Variants in USP40 observed in about 807,000 individuals in gnomAD.
USP40 encodes the protein ubiquitin carboxyl-terminal hydrolase 40.
In USP40, 143 loss-of-function variants were observed where a neutral mutation model predicts 166.2. The observed-to-expected ratio is 0.86, with a 90% CI of 0.75 to 0.99. The LOEUF (loss-of-function observed/expected upper bound fraction) is 0.99, where lower values mean the gene tolerates loss of function less well. Among genes scored for constraint, USP40 ranks in the 50% least tolerant of loss-of-function variants. The pLI is 0.00. For synonymous variants in USP40, 498 were observed against 524.0 expected (o/e 0.95, Z 0.68); for missense variants, 1,444 against 1,479.7 (o/e 0.98, Z 0.40).
Position 233,542,248 on chromosome 2 carries a change from C to T in USP40, c.1062+20G>A, listed in dbSNP as rs1229966697. 1.4e-6 allele frequency: 2 copies of T among 1,394,572 alleles called. No homozygotes were observed. Among genetic ancestry groups the T allele is most frequent in the Non-Finnish European group, 2.0e-6 (2 of 1,019,578 alleles). 86.4% of individuals were successfully genotyped at this position (1,394,572 alleles called of 1,614,324 possible). ...ACAATACATACCATACATACAAATA[C>T]ATACACACACATACTATACCTCTAA... On this transcript the variant is annotated intron_variant, in intron 9 of 31. Transcript: ENST00000678225.
Position 233,512,579 on chromosome 2 carries a change from A to G in USP40, c.2427T>C (p.Leu809=). 1 of 1,584,324 alleles carries G rather than the reference A, an allele frequency of 6.3e-7. No homozygotes were observed. Residue 809 remains leucine (L), a synonymous_variant, in exon 19 of 32, where the codon CTT becomes CTC. Transcript: ENST00000678225. ...CLRPIDRNGK[L]LCPVPDSYTL... Reference sequence around the variant, plus strand: ...ATCAAAAAGATTTACCTGGACAAAGAAGCTTCCCATTTCTATCAATAGGTC... The same window carrying G: ...ATCAAAAAGATTTACCTGGACAAAGGAGCTTCCCATTTCTATCAATAGGTC...
intron 2 of USP40, 42 bp downstream of exon 2, chr2:233,565,314 G>A (rs2125417376): frequency 7.2e-7 from 1 of 1,386,244 alleles, no homozygotes; most frequent in East Asian, 2.5e-5. Context: ...ATGTAAAGAA[G>A]ATGGTACATA....
intron 11 of USP40, among the ~76,000 whole-genome samples, chr2:233,532,963 C>G (rs1454150882): frequency 6.6e-6 from 1 of 150,400 alleles, no homozygotes; most frequent in Non-Finnish European, 1.5e-5. Flanking sequence ...AACAAAAAGT[C>G]TTATTGAGAA....
Position 233,477,419 on chromosome 2 carries a change from G to A in USP40, c.3684C>T (p.Leu1228=). The change falls in exon 32 of 32, where the codon CTC becomes CTT. Residue 1228 remains leucine (L), a synonymous_variant. Coordinates refer to ENST00000678225, the MANE Select transcript of USP40 (RefSeq NM_001365479.2). ...PARPRAPETS[L]SIHVGSFR ...ATCTGAAGCTCCCCACGTGGATGGA[G>A]AGAGAAGTTTCCGGGGCTCGGGGCC... The A allele has an allele frequency of 1.2e-6, 2 of 1,613,780 alleles. No individual in the cohort carries two copies. The highest frequency in any genetic ancestry group is 1.7e-6 in the Non-Finnish European group (2 of 1,179,850).
intron 21 of USP40, among the ~76,000 whole-genome samples, chr2:233,502,419 T>C (rs2066133691): frequency 1.3e-5 from 2 of 152,196 alleles, no homozygotes; most frequent in South Asian, 4.1e-4. Context: ...ACCAGCTAAG[T>C]AACCTCAATC....
intron 11 of USP40, among the ~76,000 whole-genome samples, chr2:233,530,314 A>G (rs2068421547): frequency 6.6e-6 from 1 of 152,126 alleles, no homozygotes; most frequent in South Asian, 2.1e-4. Flanking sequence ...GTATTTTCCA[A>G]AGTCTTAAAT....
chr2:233,550,165 T>A (rs1332720806), intron 7 of USP40, among the ~76,000 whole-genome samples: 1 of 152,138 alleles, frequency 6.6e-6, no homozygotes. Context: ...ATTTATTTGC[T>A]TAAAATATTA....
intron 11 of USP40, among the ~76,000 whole-genome samples, chr2:233,531,476 G>A (rs10169180): frequency 0.77 from 117,770 of 152,056 alleles, 45,738 homozygotes; most frequent in East Asian, 0.87. Context: ...TTCCAATTAC[G>A]TACACACTAA....
At chr2:233,542,527 T>G in intron 8 of USP40, 164 bp from the exon 9 acceptor site, 1 of 546,668 alleles carries the variant, frequency 1.8e-6, no homozygotes. Context: ...CTGGGCAACA[T>G]AGAGAGACCA....
intron 9 of USP40, among the ~76,000 whole-genome samples, chr2:233,541,012 A>G (rs2069359707): frequency 6.6e-6 from 1 of 152,234 alleles, no homozygotes; most frequent in Non-Finnish European, 1.5e-5. Flanking sequence ...GAGCAATATC[A>G]AAAGTAGCTC....
At chr2:233,488,066 G>A in intron 28 of USP40, 173 bp downstream of exon 28, 1 of 725,560 alleles carries the variant, frequency 1.4e-6, no homozygotes, top group South Asian at 1.5e-5. Context: ...TAAGTCCCAA[G>A]TTTTAGATGC....
At chr2:233,503,875 C>A (rs2066240906) in intron 21 of USP40, among the ~76,000 whole-genome samples, 1 of 152,020 alleles carries the variant, frequency 6.6e-6, no homozygotes, top group South Asian at 2.1e-4. Context: ...ACTTGGAATA[C>A]CCCAGTGTCG....
intron 4 of USP40, among the ~76,000 whole-genome samples, chr2:233,558,378 A>C (rs1482076756): frequency 6.6e-6 from 1 of 152,176 alleles, no homozygotes; most frequent in East Asian, 1.9e-4. Context: ...GATTAAAAAA[A>C]AAAAACAAAA....
intron 18 of USP40, among the ~76,000 whole-genome samples, chr2:233,515,560 A>G (rs1005250429): frequency 6.6e-6 from 1 of 151,758 alleles, no homozygotes; most frequent in African/African-American, 2.4e-5. Context: ...TTAGGTTACA[A>G]GGGTTTTTTT....
In USP40 at chr2:233,527,706, T is replaced by C. The variant is rs189825057; in HGVS notation, c.1554-128A>G. 1.1e-4 allele frequency: 86 copies of C among 801,470 alleles called. No homozygotes were observed. In the African/African-American group the frequency reaches 1.3e-3, roughly 13 times the overall value. The allele number at this position is 801,470 out of a possible 1,614,324, so 49.6% of individuals were successfully genotyped here. A position where few individuals can be genotyped will look rare whatever the true frequency, so the allele number is the denominator to read the frequency against. On this transcript the variant is annotated intron_variant, in intron 12 of 31. Transcript: ENST00000678225. ...CACCAAAGTAACAATTTTTCTTCTA[T>C]GTGCCACAATTAGTCACTTTAATTT...
intron 5 of USP40, 86 bp from the exon 6 acceptor site, chr2:233,554,612 C>A: frequency 1.8e-6 from 2 of 1,089,566 alleles, no homozygotes; most frequent in South Asian, 4.3e-5. Context: ...TGGGAATAAT[C>A]AGATATATGT....
rs2064168174 is a variant in USP40 at position 233,476,009 on chromosome 2, G to A, written c.*1383C>T. 1 of 152,396 alleles carries A rather than the reference G, an allele frequency of 6.6e-6. No individual in the cohort carries two copies. The highest frequency in any genetic ancestry group is 1.5e-5 in the Non-Finnish European group (1 of 68,106). The allele number at this position is 152,396 out of a possible 1,614,324, so 9.4% of individuals were successfully genotyped here. A position where few individuals can be genotyped will look rare whatever the true frequency, so the allele number is the denominator to read the frequency against. On this transcript the variant is annotated 3_prime_UTR_variant, in exon 32 of 32. Coordinates refer to ENST00000678225, the MANE Select transcript of USP40 (RefSeq NM_001365479.2). Reference sequence around the variant, plus strand: ...GGAGGCAGCTGCTAGTCAGAGTTGGGTCCTTAGGGCGCAGTGCTTCACGGA... The same window carrying A: ...GGAGGCAGCTGCTAGTCAGAGTTGGATCCTTAGGGCGCAGTGCTTCACGGA...
At chr2:233,489,237 A>C in intron 27 of USP40, 128 bp downstream of exon 27, 1 of 857,514 alleles carries the variant, frequency 1.2e-6, no homozygotes, top group South Asian at 1.5e-5. Context: ...CCAAGTCACA[A>C]GCGTGGCATG....
rs191397667 is a variant in USP40, at chr2:233,529,493, A to G, written c.1491T>C (p.Tyr497=). ...RPPEARANPR[Y]GVPCHLLNEM... ...CATTCAGTAAATGACATGGAACCCC[A>G]TATCTTGGATTAGCTCGAGCTGTGA... The change falls in exon 12 of 32, where the codon TAT becomes TAC. Residue 497 remains tyrosine (Y), a synonymous_variant. Coordinates refer to ENST00000678225, the MANE Select transcript of USP40 (RefSeq NM_001365479.2). 2.2e-5 allele frequency: 35 copies of G among 1,584,920 alleles called. No individual in the cohort carries two copies. In the African/African-American group the frequency reaches 4.0e-4, roughly 18 times the overall value.
Sources: gnomAD v4.1 joint callset for allele counts (sites outside exome capture counted in the v4.1 genomes callset) on GRCh38, gnomAD v4.1.1 for gene constraint, MANE v1.5 for transcripts, NCBI Gene and HGNC (gene_info 2026-07-23, HGNC 2026-07-21) for gene names.